ARMC9: variants seen among roughly 807,000 people sequenced by gnomAD.
ARMC9 encodes lisH domain-containing protein ARMC9.
In ARMC9, 94 loss-of-function variants were observed where a neutral mutation model predicts 107.0. The ratio of observed to expected loss-of-function variants is 0.88; its 90% CI spans 0.74 to 1.04. ARMC9 has a LOEUF of 1.04. Ranked by LOEUF, ARMC9 falls within the 50% of genes least tolerant of loss-of-function variation. ARMC9 has a pLI of 0.00. For missense variants in ARMC9, 942 were observed against 1,030.1 expected (o/e 0.91, Z 1.17); for synonymous variants, 380 against 396.9 (o/e 0.96, Z 0.51).
chr2:231,337,476 T>TAGTAGAGACAGGGTTTCACCATGTTGA lies in ARMC9; in HGVS notation c.1878+5579_1878+5580insAGTAGAGACAGGGTTTCACCATGTTGA, dbSNP rs1559481926. Among the ~76,000 whole-genome samples, 80 of 130,484 alleles carry TAGTAGAGACAGGGTTTCACCATGTTGA rather than the reference T, an allele frequency of 6.1e-4. 3 individuals are homozygous for TAGTAGAGACAGGGTTTCACCATGTTGA. Among genetic ancestry groups the TAGTAGAGACAGGGTTTCACCATGTTGA allele is most frequent in the Non-Finnish European group, 8.4e-4 (51 of 61,070 alleles). The allele number at this position is 130,484 out of a possible 152,430, so 85.6% of individuals were successfully genotyped here. A position where few individuals can be genotyped will look rare whatever the true frequency, so the allele number is the denominator to read the frequency against. On this transcript the variant is annotated intron_variant, in intron 20 of 24. Coordinates refer to ENST00000611582, the MANE Select transcript of ARMC9 (RefSeq NM_001352754.2). ...CACGCCCGGCTAATTTTTGTTTTTT[T>TAGTAGAGACAGGGTTTCACCATGTTGA]TTTTTTTTTTTGAGACAGAGTCTCG... is the stretch of plus-strand genomic sequence containing the variant.
chr2:231,239,458 A>G (rs1355512297), intron 8 of ARMC9, among the ~76,000 whole-genome samples: 1 of 152,200 alleles, frequency 6.6e-6, no homozygotes, highest in East Asian at 1.9e-4. Flanking sequence ...TGCTAGGCAT[A>G]TCTGTGACCT....
At chr2:231,282,297 G>A (rs1324348222) in intron 17 of ARMC9, among the ~76,000 whole-genome samples, 164 bp downstream of exon 17, 1 of 152,176 alleles carries the variant, frequency 6.6e-6, no homozygotes, top group East Asian at 1.9e-4. Context: ...TGGGGAGAGA[G>A]TCTGTAGCTT....
At chr2:231,242,166 T>C (rs936575348) in intron 9 of ARMC9, among the ~76,000 whole-genome samples, 2 of 150,606 alleles carry the variant, frequency 1.3e-5, no homozygotes, top group East Asian at 3.9e-4. Context: ...TTTTTTTTTT[T>C]AAACTGGATG....
chr2:231,307,474 A>G (rs1015840892), intron 19 of ARMC9, among the ~76,000 whole-genome samples: 5 of 152,210 alleles, frequency 3.3e-5, no homozygotes, highest in African/African-American at 1.2e-4. Flanking sequence ...AATATTCCTA[A>G]GAGCTGACTA....
chr2:231,227,688 G>A (rs1351044721), intron 7 of ARMC9, among the ~76,000 whole-genome samples: 1 of 152,240 alleles, frequency 6.6e-6, no homozygotes, highest in Non-Finnish European at 1.5e-5. Context: ...TCACCAGGGA[G>A]TTGGCAGATA....
At chr2:231,303,767 A>G (rs1340429899) in intron 19 of ARMC9, among the ~76,000 whole-genome samples, 3 of 152,120 alleles carry the variant, frequency 2.0e-5, no homozygotes, top group Non-Finnish European at 2.9e-5. Context: ...ATGAAACCCC[A>G]TTTCTACTAA....
At position 231,375,868 on chromosome 2, in the gene ARMC9, G is replaced by A. The variant is rs1410108075; in HGVS notation, c.*4333G>A. Among the ~76,000 whole-genome samples, 1 of 152,328 alleles carries A rather than the reference G, an allele frequency of 6.6e-6. No individual in the cohort carries two copies. Among genetic ancestry groups the A allele is most frequent in the Non-Finnish European group, 1.5e-5 (1 of 68,034 alleles). Reference sequence around the variant, plus strand: ...GGGGGTGAGAAAGAAGACAGCAGGTGTTGTGGGAAGTCAGGGACCCCAAAC... The same window carrying A: ...GGGGGTGAGAAAGAAGACAGCAGGTATTGTGGGAAGTCAGGGACCCCAAAC... On this transcript the variant is annotated 3_prime_UTR_variant, in exon 25 of 25. Coordinates refer to ENST00000611582, the MANE Select transcript of ARMC9 (RefSeq NM_001352754.2). This position sits in a 1 kb window ranked among gnomAD's most constrained non-coding sequence, Gnocchi z 4.3.
At chr2:231,238,912 C>T in intron 8 of ARMC9, among the ~76,000 whole-genome samples, 1 of 152,204 alleles carries the variant, frequency 6.6e-6, no homozygotes, top group East Asian at 1.9e-4. Flanking sequence ...CCAGCCCTTT[C>T]CAGCTCCCCA....
intron 21 of ARMC9, among the ~76,000 whole-genome samples, chr2:231,345,445 G>A (rs1320359441): frequency 6.6e-6 from 1 of 152,180 alleles, no homozygotes; most frequent in Non-Finnish European, 1.5e-5. Flanking sequence ...CAAGCCCTGT[G>A]TTGGGATTGG....
intron 7 of ARMC9, among the ~76,000 whole-genome samples, chr2:231,231,934 C>T (rs1487124638): frequency 6.6e-6 from 1 of 152,010 alleles, no homozygotes; most frequent in Non-Finnish European, 1.5e-5. Flanking sequence ...GGTGATCTGC[C>T]TGCCTTGGCC....
chr2:231,260,327 G>A (rs1240545270), intron 11 of ARMC9, among the ~76,000 whole-genome samples: 1 of 152,118 alleles, frequency 6.6e-6, no homozygotes, highest in East Asian at 1.9e-4. Flanking sequence ...AAAGGGTTTG[G>A]GGGACCTCTT....
intron 1 of ARMC9, among the ~76,000 whole-genome samples, chr2:231,204,361 C>T (rs982797876): frequency 1.3e-5 from 2 of 152,018 alleles, no homozygotes; most frequent in African/African-American, 2.4e-5. Flanking sequence ...CATCCCAATA[C>T]CCCAAGACTG....
intron 9 of ARMC9, among the ~76,000 whole-genome samples, chr2:231,244,171 A>G (rs1370420436): frequency 1.3e-5 from 2 of 152,182 alleles, no homozygotes; most frequent in South Asian, 2.1e-4. Context: ...TGGTTTTTAT[A>G]TCTGGCAGTT....
chr2:231,199,852 C>A (rs997164972), intron 1 of ARMC9, among the ~76,000 whole-genome samples: 4 of 151,990 alleles, frequency 2.6e-5, no homozygotes, highest in Non-Finnish European at 5.9e-5. Flanking sequence ...CAGACGCCAC[C>A]ACGCCCGGCT....
chr2:231,352,729 G>C (rs1426915014), intron 21 of ARMC9, among the ~76,000 whole-genome samples: 1 of 150,648 alleles, frequency 6.6e-6, no homozygotes, highest in Admixed American at 6.6e-5. Context: ...TAGATAGATG[G>C]ATAGAAGATA....
intron 21 of ARMC9, among the ~76,000 whole-genome samples, chr2:231,353,996 C>T (rs1229211851): frequency 6.8e-5 from 9 of 132,120 alleles, no homozygotes; most frequent in African/African-American, 3.1e-4. Context: ...CACACACACA[C>T]ACACACACAC....
At chr2:231,301,240 T>TA (rs2041706861) in intron 19 of ARMC9, among the ~76,000 whole-genome samples, 1 of 152,244 alleles carries the variant, frequency 6.6e-6, no homozygotes, top group East Asian at 1.9e-4. Context: ...AAGTTGATAC[T>TA]TTTTAATGCT....
intron 4 of ARMC9, among the ~76,000 whole-genome samples, chr2:231,215,969 A>T (rs1481020537): frequency 6.6e-6 from 1 of 152,182 alleles, no homozygotes; most frequent in Non-Finnish European, 1.5e-5. Flanking sequence ...GGCTTAGTCT[A>T]TGTACGAGAC....
chr2:231,282,006 T>A (rs1224217770), intron 16 of ARMC9, 53 bp from the exon 17 acceptor site: 10 of 1,529,660 alleles, frequency 6.5e-6, no homozygotes, highest in Non-Finnish European at 1.8e-6. Flanking sequence ...TGATATAGAG[T>A]TGTGCAGTAT....
Sources: gnomAD v4.1 joint callset for allele counts (sites outside exome capture counted in the v4.1 genomes callset) on GRCh38, gnomAD v4.1.1 for gene constraint, Gnocchi (gnomAD v3.1) non-coding constraint, MANE v1.5 for transcripts, NCBI Gene and HGNC (gene_info 2026-07-23, HGNC 2026-07-21) for gene names.